Variants in GSDMD observed in about 807,000 individuals in gnomAD.
GSDMD encodes gasdermin D, also known as gasdermin-D.
A neutral mutation model predicts 46.7 loss-of-function variants in GSDMD; 46 were observed. The observed-to-expected ratio is 0.99, with a 90% CI of 0.78 to 1.26. The LOEUF is 1.26. GSDMD is among the 50% of genes most tolerant of loss of function. The probability of loss-of-function intolerance (pLI) is 0.00; values close to 1 mark genes in which losing one functional copy is unlikely to be tolerated. For missense variants in GSDMD, 649 were observed against 638.8 expected (o/e 1.02, Z -0.17); for synonymous variants, 307 against 283.1 (o/e 1.08, Z -0.85).
chr8:143,561,077 G>C lies in GSDMD; in HGVS notation c.655G>C (p.Ala219Pro). 4 of 1,613,200 alleles carry C rather than the reference G, an allele frequency of 2.5e-6. No individual in the cohort carries two copies. Among genetic ancestry groups the C allele is most frequent in the Non-Finnish European group, 3.4e-6 (4 of 1,179,958 alleles). The change falls in exon 5 of 11, where the codon GCC becomes CCC. Residue 219 changes from alanine (A) to proline (P), a missense_variant. Physicochemically the swap from Ala to Pro is conservative, Grantham distance 27. Coordinates refer to ENST00000262580, the MANE Select transcript of GSDMD (RefSeq NM_024736.7). ...PSGSTLAFRVAQLVIDSDLDV... is the reference protein window; with the variant it reads ...PSGSTLAFRVPQLVIDSDLDV... ...AGGCAGCACCCTCGCATTCCGGGTG[G>C]CCCAGCTGGTTATTGACTCTGACTT...
chr8:143,562,855 T>G lies in GSDMD; in HGVS notation c.1406T>G (p.Leu469Arg). 1 of 1,612,444 alleles carries G rather than the reference T, an allele frequency of 6.2e-7. No homozygotes were observed. The highest frequency in any genetic ancestry group is 8.5e-7 in the Non-Finnish European group (1 of 1,179,910). Residue 469 changes from leucine (L) to arginine (R), a missense_variant, in exon 11 of 11, where the codon CTC (leucine) becomes CGC (arginine). Physicochemically the swap from Leu to Arg is moderately radical, Grantham distance 102. Coordinates refer to ENST00000262580, the MANE Select transcript of GSDMD (RefSeq NM_024736.7). Reference sequence around the variant, plus strand: ...CAGGCCCAGGGCCGCATGTGTGCACTCTACGCCTCCCTGGCACTGCTATCA... The same window carrying G: ...CAGGCCCAGGGCCGCATGTGTGCACGCTACGCCTCCCTGGCACTGCTATCA... ...EPQAQGRMCA[L>R]YASLALLSGL...
chr8:143,562,673 C>T lies in GSDMD; in HGVS notation c.1224C>T (p.Leu408=), dbSNP rs770565391. ...LLGPLELVGS[L]LEQSAPWQER... ...CCCTGTCTTGGCAGGTGGGCAGCCT[C>T]TTGGAGCAGAGTGCCCCGTGGCAGG... Residue 408 remains leucine, a synonymous_variant, in exon 11 of 11, where the codon CTC becomes CTT. Transcript: ENST00000262580. 4 of 1,607,188 alleles carry T rather than the reference C, an allele frequency of 2.5e-6. No homozygotes were observed. Among genetic ancestry groups the T allele is most frequent in the Non-Finnish European group, 3.4e-6 (4 of 1,177,762 alleles).
chr8:143,559,658 T>G, intron 2 of GSDMD, 106 bp downstream of exon 2: 1 of 1,434,108 alleles, frequency 7.0e-7, no homozygotes, highest in Non-Finnish European at 9.5e-7. Flanking sequence ...GCTCTGGGCC[T>G]CTCTTCCAGA....
In GSDMD at chr8:143,559,924, C is replaced by A. The variant is rs536030209; in HGVS notation, c.365C>A (p.Ser122Ter). The change falls in exon 3 of 11, where the codon TCG (serine) becomes TAG (stop). Residue 122 changes from serine to a stop codon, truncating the protein, a stop_gained. Coordinates refer to ENST00000262580, the MANE Select transcript of GSDMD (RefSeq NM_024736.7). LOFTEE classifies it high-confidence loss of function. ...TCCAGCACCTCAATGAATGTGTACT[C>A]GCTGAGTGTGGACCCTAACACCTGG... ...DSSSTSMNVY[S>*]LSVDPNTWQT... 6.2e-7 allele frequency: 1 copy of A among 1,612,802 alleles called. No individual in the cohort carries two copies. The highest frequency in any genetic ancestry group is 8.5e-7 in the Non-Finnish European group (1 of 1,179,950).
At chr8:143,561,338 C>A in intron 5 of GSDMD, 32 bp from the exon 6 acceptor site, 1 of 1,581,324 alleles carries the variant, frequency 6.3e-7, no homozygotes, top group Non-Finnish European at 8.6e-7. Context: ...AGGTGACATG[C>A]CTGTCCCTGT....
Position 143,562,245 on chromosome 8 carries a change from CT to C in GSDMD, c.1034del (p.Leu345ArgfsTer34), listed in dbSNP as rs1233438424. ...CCAGAGCCTTGGGCCGGTGGAGCCC[CT>C]GGACGGTCCAGCAGGTGCTGTCCTG... ...QGQSLGPVEP[L>X]DGPAGAVLEC... On this transcript the variant is annotated frameshift_variant, in exon 9 of 11. Coordinates refer to ENST00000262580, the MANE Select transcript of GSDMD (RefSeq NM_024736.7). LOFTEE classifies it high-confidence loss of function. 1 of 1,562,846 alleles carries C rather than the reference CT, an allele frequency of 6.4e-7. No individual in the cohort carries two copies. Among genetic ancestry groups the C allele is most frequent in the Non-Finnish European group, 8.6e-7 (1 of 1,156,402 alleles).
Position 143,561,370 on chromosome 8 carries a change from A to G in GSDMD, c.683A>G (p.Asp228Gly), listed in dbSNP as rs1165661123. Residue 228 changes from aspartate (D) to glycine (G), a missense_variant and splice_region_variant, in exon 6 of 11, where the codon GAC becomes GGC. Asp to Gly is a moderately conservative substitution (Grantham distance 94). Coordinates refer to ENST00000262580, the MANE Select transcript of GSDMD (RefSeq NM_024736.7). ...VAQLVIDSDL[D>G]VLLFPDKKQR... ...CTGTCTGCTCCCGTCTGGCTGCCAGACGTCCTTCTCTTCCCGGATAAGAAG... is the reference window on the plus strand; with the variant it reads ...CTGTCTGCTCCCGTCTGGCTGCCAGGCGTCCTTCTCTTCCCGGATAAGAAG... 6.2e-7 allele frequency: 1 copy of G among 1,607,964 alleles called. No individual in the cohort carries two copies. The highest frequency in any genetic ancestry group is 8.5e-7 in the Non-Finnish European group (1 of 1,177,690).
At chr8:143,558,849 C>T (rs1220704120) in intron 1 of GSDMD, 22 of 538,062 alleles carry the variant, frequency 4.1e-5, no homozygotes, top group Non-Finnish European at 7.5e-5. Flanking sequence ...CCCCCAAAGC[C>T]TCAGCCTTGG....
rs1563908645 is a variant in GSDMD, at chr8:143,562,913, C to T, written c.*9C>T. ...GCCAGGAGCCCCACTAGCCTGTGCC[C>T]GGGCATGGCCTGGCAGCTCTCCAGC... On this transcript the variant is annotated 3_prime_UTR_variant, in exon 11 of 11. Coordinates refer to ENST00000262580, the MANE Select transcript of GSDMD (RefSeq NM_024736.7). 4.3e-6 allele frequency: 7 copies of T among 1,611,774 alleles called. No individual in the cohort carries two copies. In the East Asian group the frequency reaches 6.7e-5, roughly 15 times the overall value.
At chr8:143,558,916 T>A in intron 1 of GSDMD, 1 of 415,092 alleles carries the variant, frequency 2.4e-6, no homozygotes, top group Non-Finnish European at 4.6e-6. Context: ...GCAGCTGGGG[T>A]GGGGCGACAC....
chr8:143,560,377 T>A, intron 3 of GSDMD: 2 of 640,670 alleles, frequency 3.1e-6, no homozygotes, highest in Non-Finnish European at 5.6e-6. Context: ...GGGGCCCAGG[T>A]GAGGGGGCCG....
rs537207799 is a variant in GSDMD at position 143,560,631 on chromosome 8, C to T, written c.439C>T (p.Leu147=). ...RHLRQPEHKV[L]QQLRSRGDNV... ...CCTGCGGCAGCCAGAACACAAAGTC[C>T]TGCAGCAGCTGCGCAGCCGCGGGGA... Residue 147 remains leucine, a synonymous_variant, in exon 4 of 11, where the codon CTG becomes TTG. Coordinates refer to ENST00000262580, the MANE Select transcript of GSDMD (RefSeq NM_024736.7). The T allele has an allele frequency of 1.1e-4, 168 of 1,589,352 alleles. No homozygotes were observed. In the East Asian group the frequency reaches 3.7e-3, roughly 35 times the overall value.
At chr8:143,556,914 A>G (rs965222672), upstream of GSDMD, among the ~76,000 whole-genome samples, 5 of 152,240 alleles carry the variant, frequency 3.3e-5, no homozygotes, top group African/African-American at 1.2e-4. Context: ...GGGTCTTAGC[A>G]TATTCAGAGG....
In GSDMD at chr8:143,560,873, C is replaced by T. The variant is rs565958272; in HGVS notation, c.579+102C>T. 12 of 1,434,230 alleles carry T rather than the reference C, an allele frequency of 8.4e-6. No individual in the cohort carries two copies. The Admixed American group carries it at 2.8e-4, about 33-fold the overall frequency. 88.8% of individuals were successfully genotyped at this position (1,434,230 alleles called of 1,614,324 possible). ...GCTCCGCCAAGGCCCCTCGGAGCAG[C>T]TCCCAGCCCTGCGCTTGGCTGCGGA... On this transcript the variant is annotated intron_variant, in intron 4 of 10. Transcript: ENST00000262580.
intron 3 of GSDMD, chr8:143,560,238 G>T (rs139064478): frequency 2.2e-5 from 15 of 688,498 alleles, no homozygotes; most frequent in African/African-American, 1.9e-4. Flanking sequence ...GCAAAAGAGC[G>T]CTGTGGCCGG....
rs1350345109 is a variant in GSDMD, at chr8:143,562,490, A to C, written c.1181A>C (p.Glu394Ala). 1 of 1,608,682 alleles carries C rather than the reference A, an allele frequency of 6.2e-7. No homozygotes were observed. The highest frequency in any genetic ancestry group is 1.1e-5 in the South Asian group (1 of 90,870). The part of the protein sequence containing the change: ...TQHKLLAEAL[E>A]SQTLLGPLEL... ...CACAAGCTGCTGGCGGAGGCGCTGG[A>C]GTCGCAGACCCTGTTGGGGCCGCTC... is the stretch of plus-strand genomic sequence containing the variant. Residue 394 changes from glutamate (E) to alanine (A), a missense_variant, in exon 10 of 11, where the codon GAG becomes GCG. Coordinates refer to ENST00000262580, the MANE Select transcript of GSDMD (RefSeq NM_024736.7).
At chr8:143,557,209 C>T (rs1162036624), upstream of GSDMD, among the ~76,000 whole-genome samples, 4 of 152,292 alleles carry the variant, frequency 2.6e-5, no homozygotes, top group Admixed American at 6.5e-5. Flanking sequence ...CGCCGTTCTA[C>T]GGCCTGGATT....
chr8:143,558,775 C>T (rs1279274264), intron 1 of GSDMD: 1 of 604,452 alleles, frequency 1.7e-6, no homozygotes, highest in African/African-American at 1.8e-5. Context: ...CCTGGGGCAG[C>T]TGCAGCCCCT....
In GSDMD at chr8:143,562,676, G is replaced by T; in HGVS notation, c.1227G>T (p.Leu409Phe). The change falls in exon 11 of 11, where the codon TTG becomes TTT. Residue 409 changes from leucine (L) to phenylalanine (F), a missense_variant. Coordinates refer to ENST00000262580, the MANE Select transcript of GSDMD (RefSeq NM_024736.7). ...LGPLELVGSL[L>F]EQSAPWQERS... is the part of the protein sequence containing the mutation. ...TGTCTTGGCAGGTGGGCAGCCTCTT[G>T]GAGCAGAGTGCCCCGTGGCAGGAGC... is the stretch of plus-strand genomic sequence containing the variant. The T allele has an allele frequency of 6.2e-7, 1 of 1,606,874 alleles. No homozygotes were observed.
Sources: gnomAD v4.1 joint callset for allele counts (sites outside exome capture counted in the v4.1 genomes callset) on GRCh38, gnomAD v4.1.1 for gene constraint, MANE v1.5 for transcripts, NCBI Gene and HGNC (gene_info 2026-07-23, HGNC 2026-07-21) for gene names.